Variants in IGSF11 observed in about 807,000 individuals in gnomAD.
The protein encoded by IGSF11 is immunoglobulin superfamily member 11.
In IGSF11, 22 loss-of-function variants were observed where a neutral mutation model predicts 41.0. That is an observed-to-expected ratio of 0.54 (90% CI 0.38 to 0.77). The LOEUF (loss-of-function observed/expected upper bound fraction) is 0.77. Among genes scored for constraint, IGSF11 ranks in the 30% least tolerant of loss-of-function variants. The probability of loss-of-function intolerance (pLI) is 0.00; values close to 1 mark genes in which losing one functional copy is unlikely to be tolerated. For missense variants in IGSF11, 444 were observed against 530.8 expected (o/e 0.84, Z 1.61); for synonymous variants, 219 against 201.3 (o/e 1.09, Z -0.74).
chr3:118,943,253 A>T (rs1174974879), intron 1 of IGSF11: 1 of 152,206 alleles, frequency 6.6e-6, no homozygotes, highest in East Asian at 1.9e-4. Context: ...GATTTTTTTA[A>T]AAAGGGGTCT....
At chr3:118,903,002 A>C in intron 6 of IGSF11, 41 bp from the exon 7 acceptor site, 2 of 1,558,524 alleles carry the variant, frequency 1.3e-6, no homozygotes, top group African/African-American at 1.4e-5. Flanking sequence ...GATTTACTTC[A>C]AGTTAATCCT....
At chr3:118,938,293 G>A (rs1943431127) in intron 1 of IGSF11, among the ~76,000 whole-genome samples, 1 of 152,098 alleles carries the variant, frequency 6.6e-6, no homozygotes, top group Non-Finnish European at 1.5e-5. Flanking sequence ...CCTTTTGGGG[G>A]GCATTTAGTA....
At chr3:119,033,954 T>C (rs1031626584) in intron 1 of IGSF11, among the ~76,000 whole-genome samples, 1 of 152,260 alleles carries the variant, frequency 6.6e-6, no homozygotes, top group African/African-American at 2.4e-5. Flanking sequence ...ATTCTATGTA[T>C]TGTTGAGAGC....
At chr3:118,972,376 A>G (rs1933544769) in intron 1 of IGSF11, among the ~76,000 whole-genome samples, 1 of 152,166 alleles carries the variant, frequency 6.6e-6, no homozygotes, top group South Asian at 2.1e-4. Context: ...CTATTTTGCA[A>G]TGTACTTATG....
intron 1 of IGSF11, among the ~76,000 whole-genome samples, chr3:119,130,601 C>G (rs891258352): frequency 6.6e-5 from 10 of 152,232 alleles, no homozygotes; most frequent in African/African-American, 2.2e-4. Context: ...GACCTACTGC[C>G]TCTGTAGACA....
In IGSF11 at chr3:119,113,862, C is replaced by T. The variant is rs540380040; in HGVS notation, c.-13-8657G>A. 1.6e-4 allele frequency among the ~76,000 whole-genome samples: 25 copies of T among 152,370 alleles called. 1 individual carries two copies. In the South Asian group the frequency reaches 3.9e-3, roughly 24 times the overall value. ...GTCTGGATATCCAGGTATTTCCATACGTCCTCTGAAATCTAAGCGGAGGTT... is the reference window on the plus strand; with the variant it reads ...GTCTGGATATCCAGGTATTTCCATATGTCCTCTGAAATCTAAGCGGAGGTT... On this transcript the variant is annotated intron_variant, in intron 1 of 7. Transcript: ENST00000425327.
intron 4 of IGSF11, among the ~76,000 whole-genome samples, chr3:118,917,156 G>A (rs1941219069): frequency 6.7e-6 from 1 of 149,396 alleles, no homozygotes; most frequent in Non-Finnish European, 1.5e-5. Context: ...GAGAAAGCAG[G>A]AAAGATCCAA....
At chr3:119,084,060 T>C (rs1333621626) in intron 1 of IGSF11, among the ~76,000 whole-genome samples, 1 of 152,112 alleles carries the variant, frequency 6.6e-6, no homozygotes, top group Non-Finnish European at 1.5e-5. Flanking sequence ...CTAATGTGTG[T>C]GTCTGTGTCT....
intron 1 of IGSF11, among the ~76,000 whole-genome samples, chr3:119,013,943 T>G (rs1938409147): frequency 6.6e-6 from 1 of 152,188 alleles, no homozygotes; most frequent in African/African-American, 2.4e-5. Context: ...AAAACAATAT[T>G]AATCTATATG....
chr3:118,998,430 T>C (rs1936479881), intron 1 of IGSF11, among the ~76,000 whole-genome samples: 1 of 152,124 alleles, frequency 6.6e-6, no homozygotes, highest in African/African-American at 2.4e-5. Context: ...TCTGATCAAA[T>C]TTCTTAAGAC....
Position 118,983,082 on chromosome 3 carries a change from A to G in IGSF11, c.52+51449T>C, listed in dbSNP as rs1404417239. On this transcript the variant is annotated intron_variant, in intron 1 of 6. Coordinates refer to ENST00000393775, the MANE Select transcript of IGSF11 (RefSeq NM_001015887.3). ...CCCAACATAATTGCAAGGAAGGCAG[A>G]AAAAAACAGCTTAAGTCTGGCTCTA... Among the ~76,000 whole-genome samples the G allele has an allele frequency of 4.5e-4, 68 of 152,182 alleles. 3 individuals carry two copies. The highest frequency in any genetic ancestry group is 4.4e-3 in the Admixed American group (67 of 15,282).
At chr3:119,108,262 C>A (rs1163123540), upstream of IGSF11, among the ~76,000 whole-genome samples, 10 of 149,290 alleles carry the variant, frequency 6.7e-5, no homozygotes, top group South Asian at 4.3e-4. Context: ...CTTTTATTTC[C>A]TTGAGCAGTG....
chr3:118,907,387 C>G (rs574588097), intron 4 of IGSF11, among the ~76,000 whole-genome samples: 2 of 152,064 alleles, frequency 1.3e-5, no homozygotes, highest in African/African-American at 4.8e-5. Flanking sequence ...AGTCCCTTAC[C>G]CTAATGAGAC....
intron 1 of IGSF11, among the ~76,000 whole-genome samples, chr3:118,966,106 T>C (rs1945659563): frequency 6.6e-6 from 1 of 151,918 alleles, no homozygotes; most frequent in Admixed American, 6.6e-5. Context: ...TCAAAACCCA[T>C]GTCAGTGAAT....
At chr3:118,956,345 C>T (rs1944957452) in intron 1 of IGSF11, among the ~76,000 whole-genome samples, 1 of 152,196 alleles carries the variant, frequency 6.6e-6, no homozygotes, top group Non-Finnish European at 1.5e-5. Flanking sequence ...TCATTCACAA[C>T]TTGAGTGTTT....
chr3:119,139,728 GT>G (rs2077615252), intron 1 of IGSF11, among the ~76,000 whole-genome samples: 1 of 152,088 alleles, frequency 6.6e-6, no homozygotes, highest in Non-Finnish European at 1.5e-5. Context: ...TATAAAAGAT[GT>G]TATAAACACA....
chr3:118,902,465 C>CA lies in IGSF11; in HGVS notation c.*54_*55insT. 1.2e-6 allele frequency: 1 copy of CA among 823,852 alleles called. No individual in the cohort carries two copies. The highest frequency in any genetic ancestry group is 2.0e-6 in the Non-Finnish European group (1 of 495,912). The allele number at this position is 823,852 out of a possible 1,614,324, so 51.0% of individuals were successfully genotyped here. A position where few individuals can be genotyped will look rare whatever the true frequency, so the allele number is the denominator to read the frequency against. On this transcript the variant is annotated 3_prime_UTR_variant, in exon 7 of 7. Coordinates refer to ENST00000393775, the MANE Select transcript of IGSF11 (RefSeq NM_001015887.3). The stretch of plus-strand genomic sequence containing the variant: ...CCAGCACTCCCCACCCCACCCTCCC[C>CA]CTTGTATGAGGGCATTCCATTTATT...
intron 1 of IGSF11, among the ~76,000 whole-genome samples, chr3:119,029,267 CACACA>C (rs1940152719): frequency 2.0e-5 from 3 of 148,686 alleles, no homozygotes; most frequent in Non-Finnish European, 4.5e-5. Flanking sequence ...CACACACACA[CACACA>C]CACCCGAGAG....
intron 1 of IGSF11, among the ~76,000 whole-genome samples, chr3:119,076,226 G>A (rs2076496541): frequency 6.6e-6 from 1 of 152,150 alleles, no homozygotes; most frequent in Admixed American, 6.5e-5. Flanking sequence ...AGCTGAAACT[G>A]GATCCCTTCC....
Sources: gnomAD v4.1 joint callset for allele counts (sites outside exome capture counted in the v4.1 genomes callset) on GRCh38, gnomAD v4.1.1 for gene constraint, MANE v1.5 for transcripts, NCBI Gene and HGNC (gene_info 2026-07-23, HGNC 2026-07-21) for gene names.